The following CAMTA1 variants were observed in gnomAD, a reference collection of about 807,000 sequenced individuals.
CAMTA1 encodes calmodulin-binding transcription activator 1.
In CAMTA1, 27 loss-of-function variants were observed where a neutral mutation model predicts 170.9. The ratio of observed to expected loss-of-function variants is 0.16; its 90% CI spans 0.12 to 0.22. CAMTA1 has a LOEUF of 0.22. Among genes scored for constraint, CAMTA1 ranks in the 10% least tolerant of loss-of-function variants. CAMTA1 has a pLI of 1.00. For missense variants in CAMTA1, 1,619 were observed against 2,217.2 expected (o/e 0.73, Z 5.42); for synonymous variants, 833 against 891.5 (o/e 0.93, Z 1.17).
intron 5 of CAMTA1, among the ~76,000 whole-genome samples, chr1:7,462,181 G>A (rs2093106570): frequency 6.6e-6 from 1 of 152,242 alleles, no homozygotes; most frequent in Non-Finnish European, 1.5e-5. Context: ...AGGCTGGAGT[G>A]CAATGGTGTG....
intron 4 of CAMTA1, among the ~76,000 whole-genome samples, chr1:7,244,858 G>A (rs902326944): frequency 5.9e-5 from 9 of 152,032 alleles, no homozygotes; most frequent in Admixed American, 1.3e-4. Context: ...AAACCTGCAC[G>A]TTGTGCACAT....
intron 3 of CAMTA1, among the ~76,000 whole-genome samples, chr1:7,056,333 T>C (rs377740901): frequency 3.7e-4 from 56 of 152,302 alleles, no homozygotes; most frequent in African/African-American, 1.3e-3. Flanking sequence ...AATTTATTTT[T>C]AACCCCTCAA....
At chr1:7,473,945 T>C (rs1261729964) in intron 6 of CAMTA1, among the ~76,000 whole-genome samples, 1 of 152,238 alleles carries the variant, frequency 6.6e-6, no homozygotes, top group Non-Finnish European at 1.5e-5. Flanking sequence ...CAAAGCGTGC[T>C]GCTGTGTCAG....
At chr1:7,111,885 CAAAAA>C (rs66460647) in intron 4 of CAMTA1, among the ~76,000 whole-genome samples, 2 of 75,636 alleles carry the variant, frequency 2.6e-5, no homozygotes, top group African/African-American at 4.6e-5. Context: ...ACTCCATCTC[CAAAAA>C]AAAAAAAAAA....
rs141724385 is a variant in CAMTA1, at chr1:6,913,072, C to G, written c.234+87862C>G. Among the ~76,000 whole-genome samples, 15 of 152,356 alleles carry G rather than the reference C, an allele frequency of 9.8e-5. No homozygotes were observed. The East Asian group carries it at 2.7e-3, about 27-fold the overall frequency. On this transcript the variant is annotated intron_variant, in intron 3 of 22. Coordinates refer to ENST00000303635, the MANE Select transcript of CAMTA1 (RefSeq NM_015215.4). ...CCTTGAGTGATTTACATGATCTGTG[C>G]TCAGGTTCCTCCACTCTAAATAAAT...
chr1:7,459,108 G>A (rs1194071150), intron 5 of CAMTA1, among the ~76,000 whole-genome samples: 1 of 152,208 alleles, frequency 6.6e-6, no homozygotes, highest in Non-Finnish European at 1.5e-5. Context: ...TCAGCCAATG[G>A]CACGGGTGTC....
At chr1:7,214,591 C>T (rs1461563653) in intron 4 of CAMTA1, among the ~76,000 whole-genome samples, 1 of 152,180 alleles carries the variant, frequency 6.6e-6, no homozygotes, top group Non-Finnish European at 1.5e-5. Flanking sequence ...TGGTCTTGAT[C>T]TCTGGACCTC....
At position 7,101,726 on chromosome 1, in the gene CAMTA1, CATAG is replaced by C. The variant is rs540622235; in HGVS notation, c.302+10359_302+10362del. Among the ~76,000 whole-genome samples the C allele has an allele frequency of 1.5e-3, 222 of 152,276 alleles. 2 individuals are homozygous for C. The highest frequency in any genetic ancestry group is 2.1e-3 in the Non-Finnish European group (142 of 68,034). On this transcript the variant is annotated intron_variant, in intron 4 of 22. Transcript: ENST00000303635. ...TGGCACATAGAACCATACACGTGCA[CATAG>C]ATACACAACTACACATGTACACATG...
chr1:7,527,317 G>A lies in CAMTA1; in HGVS notation c.510+59416G>A, dbSNP rs114535442. On this transcript the variant is annotated intron_variant, in intron 6 of 22. Coordinates refer to ENST00000303635, the MANE Select transcript of CAMTA1 (RefSeq NM_015215.4). ...CAGAAGCTCTTCACCATGACATCAT[G>A]TTGGTCCCAGCCTACAGCCATCATC... 2.7e-3 allele frequency among the ~76,000 whole-genome samples: 414 copies of A among 152,298 alleles called. 1 individual carries two copies. The highest frequency in any genetic ancestry group is 8.7e-3 in the African/African-American group (361 of 41,568).
chr1:7,710,050 T>G (rs1299953465), intron 11 of CAMTA1, among the ~76,000 whole-genome samples: 1 of 152,252 alleles, frequency 6.6e-6, no homozygotes, highest in African/African-American at 2.4e-5. Context: ...GTGTCTGTTA[T>G]GACGCCACAT....
At chr1:7,372,524 G>A (rs1041564454) in intron 5 of CAMTA1, among the ~76,000 whole-genome samples, 3 of 152,196 alleles carry the variant, frequency 2.0e-5, no homozygotes, top group Admixed American at 6.5e-5. Flanking sequence ...GAGCAGCTGC[G>A]GACGTAGTGG....
chr1:7,077,577 A>G (rs9434824), intron 3 of CAMTA1, among the ~76,000 whole-genome samples: 109,399 of 151,744 alleles, frequency 0.72, 39,497 homozygotes, highest in Non-Finnish European at 0.74. Context: ...TGGAGCTGTC[A>G]GCTGTGAGGG....
chr1:7,602,524 C>T lies in CAMTA1; in HGVS notation c.511-37876C>T, dbSNP rs537293665. Among the ~76,000 whole-genome samples the T allele has an allele frequency of 5.2e-3, 795 of 151,956 alleles. 7 individuals are homozygous for T. The highest frequency in any genetic ancestry group is 0.018 in the African/African-American group (764 of 41,426). The stretch of plus-strand genomic sequence containing the variant: ...ATATCCCCTTTATCATTTTTTATTG[C>T]GTCTATTTGATTCTTCTCTCTTTTC... On this transcript the variant is annotated intron_variant, in intron 6 of 22. Coordinates refer to ENST00000303635, the MANE Select transcript of CAMTA1 (RefSeq NM_015215.4).
At position 7,588,884 on chromosome 1, in the gene CAMTA1, C is replaced by A. The variant is rs1013127897; in HGVS notation, c.511-51516C>A. 6.6e-6 allele frequency among the ~76,000 whole-genome samples: 1 copy of A among 152,194 alleles called. No individual in the cohort carries two copies. The highest frequency in any genetic ancestry group is 2.4e-5 in the African/African-American group (1 of 41,452). On this transcript the variant is annotated intron_variant, in intron 6 of 22. Transcript: ENST00000303635. This position sits in a 1 kb window ranked among gnomAD's most constrained non-coding sequence, Gnocchi z 5.8. ...ACCATGTTATTGGGCACCAGGGCAA[C>A]CCCGCATCAGGTGCTTATTATTTTC...
At position 7,585,226 on chromosome 1, in the gene CAMTA1, A is replaced by G. The variant is rs2095299105; in HGVS notation, c.511-55174A>G. Among the ~76,000 whole-genome samples the G allele has an allele frequency of 6.6e-6, 1 of 152,160 alleles. No homozygotes were observed. The highest frequency in any genetic ancestry group is 1.5e-5 in the Non-Finnish European group (1 of 68,036). On this transcript the variant is annotated intron_variant, in intron 6 of 22. Transcript: ENST00000303635. The surrounding 1 kb of genome is among the most constrained non-coding windows in gnomAD (Gnocchi z 4.8). Reference sequence around the variant, plus strand: ...GGATTGTGGGCCTGTAATATAATTTAAGATAGTGATAAATGCAGTAACGAC... The same window carrying G: ...GGATTGTGGGCCTGTAATATAATTTGAGATAGTGATAAATGCAGTAACGAC...
intron 1 of CAMTA1, among the ~76,000 whole-genome samples, chr1:6,792,424 T>A (rs1641377444): frequency 6.6e-6 from 1 of 151,926 alleles, no homozygotes; most frequent in Non-Finnish European, 1.5e-5. Flanking sequence ...ACACCATTGC[T>A]TGTAGAAGGT....
At chr1:7,520,818 C>T (rs1373897612) in intron 6 of CAMTA1, among the ~76,000 whole-genome samples, 2 of 152,158 alleles carry the variant, frequency 1.3e-5, no homozygotes, top group African/African-American at 4.8e-5. Context: ...AAGAAAGGCC[C>T]TGGCACCTCA....
chr1:7,170,538 C>T (rs765626509), intron 4 of CAMTA1, among the ~76,000 whole-genome samples: 1 of 152,196 alleles, frequency 6.6e-6, no homozygotes, highest in African/African-American at 2.4e-5. Context: ...TTGTTCAACT[C>T]CCACTTCTGA....
At chr1:7,545,562 T>G (rs1305343584) in intron 6 of CAMTA1, among the ~76,000 whole-genome samples, 2 of 152,182 alleles carry the variant, frequency 1.3e-5, no homozygotes, top group African/African-American at 2.4e-5. Context: ...CCCCTCAGTT[T>G]GGTTTTGTCT....
Sources: gnomAD v4.1 joint callset for allele counts (sites outside exome capture counted in the v4.1 genomes callset) on GRCh38, gnomAD v4.1.1 for gene constraint, Gnocchi (gnomAD v3.1) non-coding constraint, MANE v1.5 for transcripts, NCBI Gene and HGNC (gene_info 2026-07-23, HGNC 2026-07-21) for gene names.